TRIP12: variants seen among roughly 807,000 people sequenced by gnomAD.
TRIP12 encodes the protein thyroid hormone receptor interactor 12, also known as E3 ubiquitin-protein ligase TRIP12.
TRIP12 carries 25 observed loss-of-function variants against 244.2 expected under a neutral mutation model. The ratio of observed to expected loss-of-function variants is 0.10; its 90% CI spans 0.07 to 0.14. The LOEUF (loss-of-function observed/expected upper bound fraction) is 0.14. Among genes scored for constraint, TRIP12 ranks in the 10% least tolerant of loss-of-function variants. The probability of loss-of-function intolerance (pLI) is 1.00; values close to 1 mark genes in which losing one functional copy is unlikely to be tolerated. For missense variants in TRIP12, 1,677 were observed against 2,486.4 expected (o/e 0.67, Z 6.92); for synonymous variants, 905 against 873.1 (o/e 1.04, Z -0.64).
intron 4 of TRIP12, among the ~76,000 whole-genome samples, chr2:229,842,201 G>A (rs569777457): frequency 7.9e-5 from 12 of 152,136 alleles, no homozygotes; most frequent in Non-Finnish European, 1.5e-4. Context: ...AACTTTAATT[G>A]GGAAAAGATG....
intron 5 of TRIP12, among the ~76,000 whole-genome samples, chr2:229,838,739 C>A (rs770698779): frequency 7.2e-5 from 11 of 152,152 alleles, no homozygotes; most frequent in Non-Finnish European, 1.5e-4. Context: ...TAAGAAGTTT[C>A]TTCAGAAATC....
In TRIP12 at chr2:229,836,983, G is replaced by A. The variant is rs766377703; in HGVS notation, c.1135C>T (p.Arg379Trp). The change falls in exon 6 of 42, where the codon CGG (arginine) becomes TGG (tryptophan). Residue 379 changes from arginine to tryptophan, a missense_variant and splice_region_variant. Transcript: ENST00000675903. ...KTTGSCASTSRRGSGLGKRGA... is the reference protein window; with the variant it reads ...KTTGSCASTSWRGSGLGKRGA... ...CTTTTGCCCAGGCCAGAGCCTCGCC[G>A]ACTACAACAGAAAAATGTCATCATG... 3.9e-6 allele frequency: 6 copies of A among 1,539,280 alleles called. No homozygotes were observed. Among genetic ancestry groups the A allele is most frequent in the South Asian group, 2.5e-5 (2 of 81,268 alleles).
At chr2:229,818,238 T>A (rs887309958) in intron 9 of TRIP12, 126 bp downstream of exon 9, 17 of 1,040,028 alleles carry the variant, frequency 1.6e-5, no homozygotes, top group Non-Finnish European at 2.1e-5. Context: ...CACCAAGTCA[T>A]ATACTCCTCT....
rs1293275522 is a variant in TRIP12 at position 229,769,213 on chromosome 2, G to C, written c.5903+18C>G. ...TTCTTCAGAATCAACAGAAAAACTG[G>C]CAGACCCCAGTACTTACCTGTCATG... On this transcript the variant is annotated intron_variant, in intron 40 of 41. Transcript: ENST00000675903. 3 of 1,603,764 alleles carry C rather than the reference G, an allele frequency of 1.9e-6. No homozygotes were observed. Among genetic ancestry groups the C allele is most frequent in the Non-Finnish European group, 2.6e-6 (3 of 1,174,768 alleles).
In TRIP12 at chr2:229,860,412, G is replaced by A. The variant is rs375522767; in HGVS notation, c.218C>T (p.Ser73Phe). The A allele has an allele frequency of 9.4e-6, 15 of 1,591,896 alleles. No homozygotes were observed. Among genetic ancestry groups the A allele is most frequent in the Non-Finnish European group, 1.3e-5 (15 of 1,170,576 alleles). The change falls in exon 3 of 42, where the codon TCT becomes TTT. Residue 73 changes from serine to phenylalanine, a missense_variant. Ser to Phe is a radical substitution (Grantham distance 155, BLOSUM62 -2). Transcript: ENST00000675903. ...AAGCAACATGAAGATTTACCTTTTA[G>A]AAAGGTGTCCCCTTGACAGTTCAGA... Reference protein sequence around the residue: ...TTSELSRGHLSKRSCSSSSAV... With the variant: ...TTSELSRGHLFKRSCSSSSAV...
At chr2:229,879,911 C>T in intron 2 of TRIP12, 71 bp downstream of exon 2, 1 of 1,551,564 alleles carries the variant, frequency 6.4e-7, no homozygotes, top group Non-Finnish European at 8.9e-7. Context: ...AGTTTTGGAC[C>T]TCGCAAGGAG....
At chr2:229,881,876 G>A (rs1388923458) in intron 1 of TRIP12, among the ~76,000 whole-genome samples, 1 of 152,216 alleles carries the variant, frequency 6.6e-6, no homozygotes, top group Non-Finnish European at 1.5e-5. Context: ...CTGCCTTTGA[G>A]AAAGGACTGG....
chr2:229,875,438 GAA>G (rs1388366818), intron 2 of TRIP12, among the ~76,000 whole-genome samples: 4 of 152,136 alleles, frequency 2.6e-5, no homozygotes, highest in African/African-American at 9.7e-5. Context: ...TCCTAGGAGA[GAA>G]AAGTGCTACT....
chr2:229,821,966 G>A (rs2050163937), intron 8 of TRIP12, among the ~76,000 whole-genome samples: 1 of 152,004 alleles, frequency 6.6e-6, no homozygotes, highest in African/African-American at 2.4e-5. Context: ...ATGGTGAAAC[G>A]CTGTTTCTAC....
At chr2:229,922,496 CGGCGGT>C, upstream of TRIP12, 1 of 1,613,646 alleles carries the variant, frequency 6.2e-7, no homozygotes, top group Admixed American at 1.7e-5. Flanking sequence ...GTCTTAGCGA[CGGCGGT>C]GGCGTCCCAA....
chr2:229,846,272 C>T (rs1044807095), intron 4 of TRIP12, among the ~76,000 whole-genome samples: 3 of 151,700 alleles, frequency 2.0e-5, no homozygotes, highest in African/African-American at 4.9e-5. Flanking sequence ...AGTCAATCAA[C>T]GCTGCAAACT....
At chr2:229,831,206 T>C (rs2053268351) in intron 6 of TRIP12, 3 of 685,280 alleles carry the variant, frequency 4.4e-6, no homozygotes, top group Non-Finnish European at 8.0e-6. Context: ...AGATGGCCAA[T>C]TAGTAACAAA....
intron 22 of TRIP12, 60 bp downstream of exon 22, chr2:229,799,223 A>C (rs1483250216): frequency 3.8e-6 from 6 of 1,584,176 alleles, no homozygotes; most frequent in South Asian, 1.1e-5. Context: ...AATAAAGTAC[A>C]TTTCTGCACC....
intron 4 of TRIP12, among the ~76,000 whole-genome samples, chr2:229,856,788 T>A (rs1171034210): frequency 6.6e-6 from 1 of 152,236 alleles, no homozygotes; most frequent in Non-Finnish European, 1.5e-5. Context: ...TAGTTGGTTG[T>A]CCTTTTAACT....
rs777403221 is a variant in TRIP12 at position 229,791,134 on chromosome 2, C to G, written c.4533G>C (p.Glu1511Asp). The G allele has an allele frequency of 3.7e-6, 6 of 1,614,104 alleles. No individual in the cohort carries two copies. Among genetic ancestry groups the G allele is most frequent in the Non-Finnish European group, 4.2e-6 (5 of 1,179,964 alleles). ...TATCTACCATCTTACCGTGCCATAACTCATCATGCTTTTTTGCATTTCTAG... is the reference window on the plus strand; with the variant it reads ...TATCTACCATCTTACCGTGCCATAAGTCATCATGCTTTTTTGCATTTCTAG... ...TSPRNAKKHD[E>D]LWHDGVCPSV... The change falls in exon 30 of 42, where the codon GAG (glutamate) becomes GAC (aspartate). Residue 1511 changes from glutamate to aspartate, a missense_variant. Glu to Asp is a conservative substitution (Grantham distance 45). Around this residue, in one of 11 missense-constraint regions of TRIP12, gnomAD observed 265 missense variants for 370.8 expected, o/e 0.71. Coordinates refer to ENST00000675903, the MANE Select transcript of TRIP12 (RefSeq NM_001348323.3).
At chr2:229,873,943 G>A (rs992521685) in intron 2 of TRIP12, among the ~76,000 whole-genome samples, 4 of 151,762 alleles carry the variant, frequency 2.6e-5, no homozygotes, top group African/African-American at 7.3e-5. Flanking sequence ...CCATAACAAA[G>A]CTGAGGAAAA....
At chr2:229,803,420 A>G (rs1308662883) in intron 20 of TRIP12, 151 bp downstream of exon 20, 1 of 500,924 alleles carries the variant, frequency 2.0e-6, no homozygotes, top group Non-Finnish European at 3.4e-6. Context: ...AGCCTAAAAG[A>G]CACATTCTAC....
intron 4 of TRIP12, among the ~76,000 whole-genome samples, chr2:229,844,979 C>T (rs2057277737): frequency 6.6e-6 from 1 of 152,228 alleles, no homozygotes; most frequent in Non-Finnish European, 1.5e-5. Flanking sequence ...ACAAGAGGGT[C>T]AAACACCAAT....
chr2:229,913,406 T>C (rs764185615), intron 1 of TRIP12, among the ~76,000 whole-genome samples: 1 of 152,228 alleles, frequency 6.6e-6, no homozygotes, highest in Non-Finnish European at 1.5e-5. Context: ...GGAATAAGTT[T>C]CAGGTCCCTT....
Sources: gnomAD v4.1 joint callset for allele counts (sites outside exome capture counted in the v4.1 genomes callset) on GRCh38, gnomAD v4.1.1 for gene constraint, gnomAD v4.1.1 regional missense constraint, MANE v1.5 for transcripts, NCBI Gene and HGNC (gene_info 2026-07-23, HGNC 2026-07-21) for gene names.